Variants in HKDC1 observed in about 807,000 individuals in gnomAD.
HKDC1 encodes hexokinase domain containing 1, also known as hexokinase HKDC1.
A neutral mutation model predicts 96.6 loss-of-function variants in HKDC1; 66 were observed. That is an observed-to-expected ratio of 0.68 (90% CI 0.56 to 0.84). The LOEUF (loss-of-function observed/expected upper bound fraction) is 0.84, where lower values mean the gene tolerates loss of function less well. Among genes scored for constraint, HKDC1 ranks in the 40% least tolerant of loss-of-function variants. HKDC1 has a pLI of 0.00. For missense variants in HKDC1, 1,211 were observed against 1,208.1 expected (o/e 1.00, Z -0.04); for synonymous variants, 466 against 473.1 (o/e 0.98, Z 0.20).
Position 69,265,660 on chromosome 10 carries a change from C to A in HKDC1, c.2448C>A (p.Ile816=). The change falls in exon 17 of 18, where the codon ATC becomes ATA. Residue 816 remains isoleucine (I), a synonymous_variant. Coordinates refer to ENST00000354624, the MANE Select transcript of HKDC1 (RefSeq NM_025130.4). Reference sequence around the variant, plus strand: ...TGGACAGCACGTGTGAGGACAGCATCGTGGTGAAGGAGGTGTGCGGAGCCG... The same window carrying A: ...TGGACAGCACGTGTGAGGACAGCATAGTGGTGAAGGAGGTGTGCGGAGCCG... ...LGLDSTCEDS[I]VVKEVCGAVS... 2 of 1,614,090 alleles carry A rather than the reference C, an allele frequency of 1.2e-6. No individual in the cohort carries two copies. Among genetic ancestry groups the A allele is most frequent in the Non-Finnish European group, 1.7e-6 (2 of 1,179,992 alleles).
intron 9 of HKDC1, 52 bp downstream of exon 9, chr10:69,247,645 G>A (rs1843563775): frequency 6.9e-7 from 1 of 1,440,950 alleles, no homozygotes; most frequent in Non-Finnish European, 9.6e-7. Flanking sequence ...CCTGGAGCAG[G>A]GCCCCAGTGT....
rs183257543 is a variant in HKDC1, at chr10:69,251,641, G to T, written c.1836+989G>T. ...ATGGGATATCTTTCCATTAATTTAGGTCTTCTTTATTTTCTTTCAACAATC... is the reference window on the plus strand; with the variant it reads ...ATGGGATATCTTTCCATTAATTTAGTTCTTCTTTATTTTCTTTCAACAATC... On this transcript the variant is annotated intron_variant, in intron 12 of 17. Transcript: ENST00000354624. Among the ~76,000 whole-genome samples the T allele has an allele frequency of 1.8e-3, 271 of 152,192 alleles. 1 individual carries two copies. The highest frequency in any genetic ancestry group is 6.2e-3 in the African/African-American group (259 of 41,526).
chr10:69,265,304 G>C (rs1843877711), intron 16 of HKDC1: 5 of 398,314 alleles, frequency 1.3e-5, no homozygotes. Context: ...TGGTGTGTTG[G>C]TTGCTGCAGC....
intron 15 of HKDC1, 73 bp downstream of exon 15, chr10:69,259,032 T>A: frequency 8.4e-7 from 1 of 1,188,236 alleles, no homozygotes; most frequent in Non-Finnish European, 1.1e-6. Flanking sequence ...GGGGGTACCA[T>A]AGACAGCATA....
intron 14 of HKDC1, among the ~76,000 whole-genome samples, 167 bp downstream of exon 14, chr10:69,257,593 G>A (rs1036390458): frequency 6.6e-6 from 1 of 152,150 alleles, no homozygotes; most frequent in African/African-American, 2.4e-5. Context: ...TCTGCATTAA[G>A]AGTCCTAAGC....
chr10:69,248,427 C>T lies in HKDC1; in HGVS notation c.1269C>T (p.Tyr423=), dbSNP rs1288790712. The part of the protein sequence containing the change: ...DGTLYKIHPQ[Y]PKRLHKVVRK... ...TTTGCCATCACCCCTGCTTCAGGTA[C>T]CCAAAACGCCTGCACAAGGTGGTGA... The change falls in exon 10 of 18, where the codon TAC becomes TAT. Residue 423 remains tyrosine, a synonymous_variant. Transcript: ENST00000354624. 7.1e-6 allele frequency: 11 copies of T among 1,549,316 alleles called. No individual in the cohort carries two copies. The highest frequency in any genetic ancestry group is 2.7e-5 in the African/African-American group (2 of 73,168).
chr10:69,251,814 C>T (rs1222053458), intron 12 of HKDC1, among the ~76,000 whole-genome samples: 2 of 149,528 alleles, frequency 1.3e-5, no homozygotes, highest in Non-Finnish European at 3.0e-5. Flanking sequence ...GGCTGGAGTA[C>T]ACTGATGTGA....
intron 2 of HKDC1, 122 bp from the exon 3 acceptor site, chr10:69,232,642 G>C: frequency 1.1e-6 from 1 of 913,590 alleles, no homozygotes; most frequent in African/African-American, 1.6e-5. Flanking sequence ...TGGCAAATGA[G>C]CATAATGATA....
Position 69,258,915 on chromosome 10 carries a change from C to A in HKDC1, c.2172C>A (p.Tyr724Ter). Residue 724 changes from tyrosine (Y) to a stop codon, truncating the protein, a stop_gained, in exon 15 of 18, where the codon TAC becomes TAA. Coordinates refer to ENST00000354624, the MANE Select transcript of HKDC1 (RefSeq NM_025130.4). LOFTEE classifies it high-confidence loss of function. Reference sequence around the variant, plus strand: ...GCATAGATGACATCTGGACCCGATACGACACGGAGGTGGATGAGGGGTCCT... The same window carrying A: ...GCATAGATGACATCTGGACCCGATAAGACACGGAGGTGGATGAGGGGTCCT... ...NGCIDDIWTRYDTEVDEGSLN... is the reference protein window; with the variant it reads ...NGCIDDIWTR 6.2e-7 allele frequency: 1 copy of A among 1,603,998 alleles called. No individual in the cohort carries two copies. The highest frequency in any genetic ancestry group is 2.2e-5 in the East Asian group (1 of 44,678).
intron 8 of HKDC1, among the ~76,000 whole-genome samples, 153 bp downstream of exon 8, chr10:69,246,387 A>T (rs532855312): frequency 1.3e-5 from 2 of 152,246 alleles, no homozygotes; most frequent in South Asian, 4.1e-4. Context: ...TGGGTTAGCA[A>T]TTTCTGCCAT....
chr10:69,231,047 C>T lies in HKDC1; in HGVS notation c.227-1717C>T, dbSNP rs536696091. 2.7e-3 allele frequency among the ~76,000 whole-genome samples: 406 copies of T among 152,234 alleles called. 1 individual carries two copies. Among genetic ancestry groups the T allele is most frequent in the Middle Eastern group, 0.01 (3 of 294 alleles). The stretch of plus-strand genomic sequence containing the variant: ...GGGTCAGAGACAGAAGGGATCACAC[C>T]ATGTGGCATCCATGAAATGGCACCT... On this transcript the variant is annotated intron_variant, in intron 2 of 17. Transcript: ENST00000354624.
chr10:69,239,451 C>T (rs867030799), intron 5 of HKDC1, among the ~76,000 whole-genome samples: 3 of 152,222 alleles, frequency 2.0e-5, no homozygotes, highest in Admixed American at 6.5e-5. Flanking sequence ...AGGCCCCACA[C>T]GCCCTCCTCT....
chr10:69,261,788 T>G (rs887205294), intron 16 of HKDC1, among the ~76,000 whole-genome samples: 2 of 152,246 alleles, frequency 1.3e-5, no homozygotes, highest in Non-Finnish European at 2.9e-5. Context: ...TTGGTTGATA[T>G]GCTTAAAGAA....
Position 69,227,246 on chromosome 10 carries a change from A to C in HKDC1, c.103A>C (p.Thr35Pro). 6.2e-7 allele frequency: 1 copy of C among 1,614,026 alleles called. No homozygotes were observed. The highest frequency in any genetic ancestry group is 1.1e-5 in the South Asian group (1 of 91,082). Residue 35 changes from threonine (T) to proline (P), a missense_variant, in exon 2 of 18, where the codon ACC becomes CCC. Thr to Pro is a conservative substitution (Grantham distance 38). Transcript: ENST00000354624. ...GTATCACATGCGGCTCTCCGATGAC[A>C]CCCTTTTGGACATCATGAGGCGGTT... is the stretch of plus-strand genomic sequence containing the variant. ...FLYHMRLSDD[T>P]LLDIMRRFRA...
intron 17 of HKDC1, 102 bp downstream of exon 17, chr10:69,265,920 C>A (rs1377200327): frequency 1.2e-6 from 1 of 818,736 alleles, no homozygotes; most frequent in Non-Finnish European, 2.0e-6. Flanking sequence ...AAGATGCATC[C>A]CCGTCCTTTT....
chr10:69,224,132 C>A (rs150723444), intron 1 of HKDC1, among the ~76,000 whole-genome samples: 2,091 of 151,142 alleles, frequency 0.014, 56 homozygotes, highest in African/African-American at 0.049. Context: ...CACTGGAGCC[C>A]GGGAGGTTGA....
At position 69,257,371 on chromosome 10, in the gene HKDC1, G is replaced by C; in HGVS notation, c.1977G>C (p.Gly659=). Reference sequence around the variant, plus strand: ...TTGCAGTCGTGAATGATACAGTGGGGACCATGATGACCTGTGGCTATGAAG... The same window carrying C: ...TTGCAGTCGTGAATGATACAGTGGGCACCATGATGACCTGTGGCTATGAAG... ...DIVAVVNDTV[G]TMMTCGYEDP... Residue 659 remains glycine (G), a synonymous_variant, in exon 14 of 18, where the codon GGG becomes GGC. Transcript: ENST00000354624. 1 of 1,614,138 alleles carries C rather than the reference G, an allele frequency of 6.2e-7. No homozygotes were observed. Among genetic ancestry groups the C allele is most frequent in the Non-Finnish European group, 8.5e-7 (1 of 1,179,980 alleles).
chr10:69,221,653 G>A (rs988295576), intron 1 of HKDC1, among the ~76,000 whole-genome samples: 8 of 152,152 alleles, frequency 5.3e-5, no homozygotes, highest in East Asian at 1.9e-4. Context: ...GCCAGGCACC[G>A]TGGCTCACGG....
intron 6 of HKDC1, 142 bp downstream of exon 6, chr10:69,240,893 C>T (rs1843447439): frequency 3.2e-6 from 2 of 616,696 alleles, no homozygotes; most frequent in South Asian, 1.8e-5. Flanking sequence ...AAAATTCATT[C>T]ATTCATCCAT....
Sources: gnomAD v4.1 joint callset for allele counts (sites outside exome capture counted in the v4.1 genomes callset) on GRCh38, gnomAD v4.1.1 for gene constraint, MANE v1.5 for transcripts, NCBI Gene and HGNC (gene_info 2026-07-23, HGNC 2026-07-21) for gene names.